The following RSPO2 variants were observed in gnomAD, a reference collection of about 807,000 sequenced individuals.
RSPO2 encodes the protein R-spondin 2.
RSPO2 carries 14 observed loss-of-function variants against 30.9 expected under a neutral mutation model. That is an observed-to-expected ratio of 0.45 (90% CI 0.30 to 0.71). The LOEUF (loss-of-function observed/expected upper bound fraction) is 0.71. Among genes scored for constraint, RSPO2 ranks in the 30% least tolerant of loss-of-function variants. The pLI, the probability that RSPO2 is intolerant of heterozygous loss-of-function variation, is 0.08. For synonymous variants in RSPO2, 107 were observed against 96.4 expected (o/e 1.11, Z -0.64); for missense variants, 264 against 301.9 (o/e 0.87, Z 0.93).
intron 2 of RSPO2, among the ~76,000 whole-genome samples, chr8:108,054,445 C>T (rs188795575): frequency 6.6e-6 from 1 of 152,244 alleles, no homozygotes; most frequent in African/African-American, 2.4e-5. Context: ...AGGAGGTTTA[C>T]TGGGGCCAGG....
At chr8:108,041,421 A>T (rs2130657058) in intron 2 of RSPO2, among the ~76,000 whole-genome samples, 1 of 152,242 alleles carries the variant, frequency 6.6e-6, no homozygotes, top group East Asian at 1.9e-4. Flanking sequence ...TACACATGGA[A>T]GAGATCATAT....
intron 3 of RSPO2, among the ~76,000 whole-genome samples, chr8:107,966,438 C>T (rs894338678): frequency 4.6e-5 from 7 of 152,114 alleles, no homozygotes; most frequent in Non-Finnish European, 8.8e-5. Flanking sequence ...CTAAGCTTGA[C>T]GTAAAGACAC....
chr8:108,017,265 C>T (rs1237810256), intron 2 of RSPO2, among the ~76,000 whole-genome samples: 1 of 152,138 alleles, frequency 6.6e-6, no homozygotes, highest in South Asian at 2.1e-4. Flanking sequence ...GATCTGCCTG[C>T]CTCGGCCTCT....
chr8:108,080,925 C>A (rs1191239286), intron 2 of RSPO2, among the ~76,000 whole-genome samples: 1 of 152,110 alleles, frequency 6.6e-6, no homozygotes, highest in African/African-American at 2.4e-5. Flanking sequence ...CTGCCGAATA[C>A]TCGAAAGAAA....
intron 2 of RSPO2, among the ~76,000 whole-genome samples, chr8:108,027,999 C>T (rs1367659464): frequency 6.6e-6 from 1 of 152,098 alleles, no homozygotes; most frequent in Non-Finnish European, 1.5e-5. Context: ...TTTGACCAGC[C>T]CTACATGAAG....
chr8:108,053,847 C>T (rs1257465808), intron 2 of RSPO2, among the ~76,000 whole-genome samples: 1 of 152,052 alleles, frequency 6.6e-6, no homozygotes, highest in Non-Finnish European at 1.5e-5. Flanking sequence ...ACAGTGAATA[C>T]CATATACTTA....
chr8:108,005,931 C>T (rs1327692663), intron 2 of RSPO2, among the ~76,000 whole-genome samples: 1 of 152,020 alleles, frequency 6.6e-6, no homozygotes, highest in Non-Finnish European at 1.5e-5. Flanking sequence ...TTGTATTGGC[C>T]ATTTATCTTT....
At chr8:107,954,312 T>C (rs1392683649) in intron 5 of RSPO2, among the ~76,000 whole-genome samples, 2 of 152,200 alleles carry the variant, frequency 1.3e-5, no homozygotes, top group African/African-American at 4.8e-5. Flanking sequence ...CATTTAAATA[T>C]ATGACAAAAA....
At chr8:108,062,724 C>A (rs373748374) in intron 2 of RSPO2, among the ~76,000 whole-genome samples, 1 of 151,620 alleles carries the variant, frequency 6.6e-6, no homozygotes, top group South Asian at 2.1e-4. Flanking sequence ...GGCAGAGACA[C>A]AATGGAAAAA....
rs1302508186 is a variant in RSPO2 at position 108,043,640 on chromosome 8, C to T, written c.94+38905G>A. ...AGTCTTAGCACCTCTCGTCCTGAGG[C>T]ATGCCAACATTCTCTCATTCCATGT... On this transcript the variant is annotated intron_variant, in intron 2 of 5. Transcript: ENST00000276659. Among the ~76,000 whole-genome samples, 4 of 151,628 alleles carry T rather than the reference C, an allele frequency of 2.6e-5. No individual in the cohort carries two copies. In the East Asian group the frequency reaches 7.7e-4, roughly 29 times the overall value.
chr8:107,946,088 G>A (rs1270242150), intron 5 of RSPO2, among the ~76,000 whole-genome samples: 5 of 152,192 alleles, frequency 3.3e-5, no homozygotes, highest in Non-Finnish European at 5.9e-5. Context: ...GTGGAGCACT[G>A]AGATGTAAGA....
At chr8:108,020,319 C>T (rs1005867003) in intron 2 of RSPO2, among the ~76,000 whole-genome samples, 4 of 152,206 alleles carry the variant, frequency 2.6e-5, no homozygotes, top group African/African-American at 4.8e-5. Context: ...CCAACGTACA[C>T]GCCTTTCATG....
intron 2 of RSPO2, chr8:107,996,853 T>C (rs1369068): frequency 0.59 from 257,221 of 435,860 alleles, 79,458 homozygotes; most frequent in African/African-American, 0.88. Flanking sequence ...AAAAGCATTG[T>C]TTTATTTACT....
In RSPO2 at chr8:107,900,864, G is replaced by GCA. The variant is rs1377554961; in HGVS notation, c.*209_*210dup. 1 of 495,612 alleles carries GCA rather than the reference G, an allele frequency of 2.0e-6. No individual in the cohort carries two copies. Among genetic ancestry groups the GCA allele is most frequent in the Admixed American group, 3.6e-5 (1 of 27,552 alleles). 30.7% of individuals were successfully genotyped at this position (495,612 alleles called of 1,614,324 possible). A position where few individuals can be genotyped will look rare whatever the true frequency, so the allele number is the denominator to read the frequency against. On this transcript the variant is annotated 3_prime_UTR_variant, in exon 6 of 6. Coordinates refer to ENST00000276659, the MANE Select transcript of RSPO2 (RefSeq NM_178565.5). ...CACACTGAGCCAAGTCACGGGCTGT[G>GCA]CACTTACTCCTGCCTTCACAGTCTC...
Position 108,032,826 on chromosome 8 carries a change from G to A in RSPO2, c.95-43582C>T, listed in dbSNP as rs987476932. Among the ~76,000 whole-genome samples the A allele has an allele frequency of 5.9e-5, 9 of 151,660 alleles. No individual in the cohort carries two copies. The South Asian group carries it at 6.3e-4, about 11-fold the overall frequency. On this transcript the variant is annotated intron_variant, in intron 2 of 5. Coordinates refer to ENST00000276659, the MANE Select transcript of RSPO2 (RefSeq NM_178565.5). ...TAAAAATTTTTTACTTTGGGAGGCCGAGGCAGGCGGATCACAAGGTCAGGA... is the reference window on the plus strand; with the variant it reads ...TAAAAATTTTTTACTTTGGGAGGCCAAGGCAGGCGGATCACAAGGTCAGGA...
In RSPO2 at chr8:107,900,836, G is replaced by GCA. The variant is rs1241146642; in HGVS notation, c.*237_*238dup. The stretch of plus-strand genomic sequence containing the variant: ...ATGGTGCCGGGGACGGATTCTCTCA[G>GCA]CACACACTGAGCCAAGTCACGGGCT... On this transcript the variant is annotated 3_prime_UTR_variant, in exon 6 of 6. Transcript: ENST00000276659. The GCA allele has an allele frequency of 2.4e-6, 1 of 417,044 alleles. No individual in the cohort carries two copies. Among genetic ancestry groups the GCA allele is most frequent in the East Asian group, 3.8e-5 (1 of 26,152 alleles). The allele number at this position is 417,044 out of a possible 1,614,324, so 25.8% of individuals were successfully genotyped here.
chr8:108,081,242 T>C (rs1312032617), intron 2 of RSPO2, among the ~76,000 whole-genome samples: 1 of 152,122 alleles, frequency 6.6e-6, no homozygotes, highest in African/African-American at 2.4e-5. Flanking sequence ...GGCCAATCTC[T>C]AGCTCTGCCC....
At chr8:108,041,136 G>A (rs1169909857) in intron 2 of RSPO2, among the ~76,000 whole-genome samples, 2 of 134,804 alleles carry the variant, frequency 1.5e-5, no homozygotes, top group African/African-American at 5.5e-5. Context: ...GGAGATCCCT[G>A]AAATGTGAAC....
intron 2 of RSPO2, among the ~76,000 whole-genome samples, chr8:108,024,638 G>T (rs1158839565): frequency 6.6e-6 from 1 of 152,136 alleles, no homozygotes; most frequent in East Asian, 1.9e-4. Context: ...TAGAAGGGAT[G>T]GGGTATGAAA....
Sources: allele counts gnomAD v4.1 joint callset (sites outside exome capture counted in the v4.1 genomes callset), GRCh38; gene constraint gnomAD v4.1.1; transcripts MANE v1.5; gene names NCBI Gene and HGNC (gene_info 2026-07-23, HGNC 2026-07-21).